The following NEDD1 variants were observed in gnomAD, a reference collection of about 807,000 sequenced individuals.
NEDD1 encodes the protein protein NEDD1.
A neutral mutation model predicts 74.0 loss-of-function variants in NEDD1; 33 were observed. That is an observed-to-expected ratio of 0.45 (90% CI 0.34 to 0.60). NEDD1 has a LOEUF of 0.60. NEDD1 is among the 20% of genes least tolerant of loss of function. The probability of loss-of-function intolerance (pLI) is 0.01; values close to 1 mark genes in which losing one functional copy is unlikely to be tolerated. For missense variants in NEDD1, 746 were observed against 776.5 expected (o/e 0.96, Z 0.47); for synonymous variants, 250 against 264.4 (o/e 0.95, Z 0.53).
At position 96,952,808 on chromosome 12, in the gene NEDD1, C is replaced by T. The variant is rs1878826618; in HGVS notation, c.*755C>T. On this transcript the variant is annotated 3_prime_UTR_variant, in exon 16 of 16. Coordinates refer to ENST00000266742, the MANE Select transcript of NEDD1 (RefSeq NM_152905.4). ...CATGCAACGTTGTACTGCAAAATTTCAATCAACATGACAACTTATAATGAG... is the reference window on the plus strand; with the variant it reads ...CATGCAACGTTGTACTGCAAAATTTTAATCAACATGACAACTTATAATGAG... 6.6e-6 allele frequency: 1 copy of T among 151,658 alleles called. No individual in the cohort carries two copies. The highest frequency in any genetic ancestry group is 2.4e-5 in the African/African-American group (1 of 41,400). The allele number at this position is 151,658 out of a possible 1,614,324, so 9.4% of individuals were successfully genotyped here.
chr12:96,920,388 A>G (rs1290102275), intron 6 of NEDD1, among the ~76,000 whole-genome samples: 2 of 152,060 alleles, frequency 1.3e-5, no homozygotes, highest in African/African-American at 4.8e-5. Flanking sequence ...AGTTGTTAAT[A>G]GGTTAAATGT....
At chr12:96,932,382 G>A (rs1317885416) in intron 6 of NEDD1, among the ~76,000 whole-genome samples, 2 of 135,600 alleles carry the variant, frequency 1.5e-5, no homozygotes, top group African/African-American at 2.8e-5. Context: ...TGAGGCAGGT[G>A]GAGTGCTTGA....
In NEDD1 at chr12:96,907,594, C is replaced by G. The variant is rs1012880673; in HGVS notation, c.-261-10C>G. ...TTTTTTGTCAACCTCAAGTACTTTT[C>G]TTTTGGCAGGTACTTGGATGCATTT... On this transcript the variant is annotated splice_polypyrimidine_tract_variant and intron_variant, in intron 1 of 15. Coordinates refer to ENST00000266742, the MANE Select transcript of NEDD1 (RefSeq NM_152905.4). 6.4e-7 allele frequency: 1 copy of G among 1,551,128 alleles called. No homozygotes were observed. Among genetic ancestry groups the G allele is most frequent in the South Asian group, 1.2e-5 (1 of 84,054 alleles).
intron 11 of NEDD1, among the ~76,000 whole-genome samples, chr12:96,942,838 T>C (rs1276133100): frequency 6.6e-6 from 1 of 152,082 alleles, no homozygotes. Context: ...CAGAGCTTCA[T>C]TCAACTTAAG....
At chr12:96,944,481 G>A (rs956710381) in intron 12 of NEDD1, among the ~76,000 whole-genome samples, 158 bp from the exon 13 acceptor site, 5 of 150,926 alleles carry the variant, frequency 3.3e-5, no homozygotes, top group African/African-American at 1.2e-4. Context: ...TTTGCCTCCA[G>A]TTCTCTTTTT....
intron 9 of NEDD1, among the ~76,000 whole-genome samples, chr12:96,939,379 C>T (rs1303983774): frequency 6.6e-6 from 1 of 151,998 alleles, no homozygotes; most frequent in African/African-American, 2.4e-5. Context: ...TTCTTTGTAA[C>T]AACTGAACTC....
intron 3 of NEDD1, chr12:96,912,476 G>A (rs1874018567): frequency 6.6e-6 from 2 of 304,308 alleles, no homozygotes; most frequent in Non-Finnish European, 6.0e-6. Context: ...AGTATTTCAC[G>A]TGGGTTAAAT....
At position 96,953,158 on chromosome 12, in the gene NEDD1, A is replaced by C. The variant is rs1253149251; in HGVS notation, c.*1105A>C. 1.3e-5 allele frequency: 2 copies of C among 151,214 alleles called. No individual in the cohort carries two copies. Among genetic ancestry groups the C allele is most frequent in the South Asian group, 4.1e-4 (2 of 4,820 alleles). The allele number at this position is 151,214 out of a possible 1,614,324, so 9.4% of individuals were successfully genotyped here. ...AAAGATTTAAACTGTGTACCTTTGT[A>C]TAGCTCTTCTGCCCCATTTTGACTT... On this transcript the variant is annotated 3_prime_UTR_variant, in exon 16 of 16. Coordinates refer to ENST00000266742, the MANE Select transcript of NEDD1 (RefSeq NM_152905.4).
intron 1 of NEDD1, 72 bp downstream of exon 1, chr12:96,907,372 C>A: frequency 2.2e-6 from 1 of 447,710 alleles, no homozygotes; most frequent in South Asian, 4.1e-5. Context: ...GATCCTAAGA[C>A]CCGCTCCGTC....
intron 10 of NEDD1, among the ~76,000 whole-genome samples, chr12:96,940,850 G>A (rs1409527114): frequency 4.6e-5 from 7 of 151,888 alleles, no homozygotes; most frequent in Admixed American, 4.6e-4. Flanking sequence ...CTAAATTAAT[G>A]TTCCTAAAAT....
chr12:96,909,059 C>G (rs1592848482), intron 2 of NEDD1, among the ~76,000 whole-genome samples: 1 of 151,776 alleles, frequency 6.6e-6, no homozygotes, highest in Non-Finnish European at 1.5e-5. Flanking sequence ...GCCGGTAATC[C>G]CAGCTACTCG....
chr12:96,907,735 G>C lies in NEDD1; in HGVS notation c.-130G>C. 1.3e-6 allele frequency: 2 copies of C among 1,546,378 alleles called. No individual in the cohort carries two copies. Among genetic ancestry groups the C allele is most frequent in the South Asian group, 1.2e-5 (1 of 83,726 alleles). Reference sequence around the variant, plus strand: ...TGTAGTTGAATTGGTTCCTGTAGCCGCTGTCCCTAAACCCAGGCCGACGTT... The same window carrying C: ...TGTAGTTGAATTGGTTCCTGTAGCCCCTGTCCCTAAACCCAGGCCGACGTT... On this transcript the variant is annotated 5_prime_UTR_variant, in exon 2 of 16. Transcript: ENST00000266742.
chr12:96,949,330 C>T (rs1057267601), intron 14 of NEDD1, among the ~76,000 whole-genome samples: 7 of 152,018 alleles, frequency 4.6e-5, no homozygotes, highest in African/African-American at 1.7e-4. Flanking sequence ...TTTAAAAATA[C>T]CCTCATAGTT....
intron 2 of NEDD1, among the ~76,000 whole-genome samples, chr12:96,909,176 C>CAAAAAA (rs71307519): frequency 9.3e-6 from 1 of 107,528 alleles, no homozygotes; most frequent in African/African-American, 3.5e-5. Context: ...AACTCCGTCT[C>CAAAAAA]AAAAAAAAAA....
At position 96,953,021 on chromosome 12, in the gene NEDD1, T is replaced by C. The variant is rs1165568019; in HGVS notation, c.*968T>C. The C allele has an allele frequency of 6.6e-6, 1 of 151,600 alleles. No homozygotes were observed. The highest frequency in any genetic ancestry group is 6.6e-5 in the Admixed American group (1 of 15,192). The allele number at this position is 151,600 out of a possible 1,614,324, so 9.4% of individuals were successfully genotyped here. On this transcript the variant is annotated 3_prime_UTR_variant, in exon 16 of 16. Coordinates refer to ENST00000266742, the MANE Select transcript of NEDD1 (RefSeq NM_152905.4). ...TTAGAAAGGTTGTCAAAATAAGTTA[T>C]ACCTCTTTGGCAATAGATAGATGTA... is the stretch of plus-strand genomic sequence containing the variant.
chr12:96,938,825 TCTCTCTCTCTCA>T (rs1443505739), intron 9 of NEDD1, among the ~76,000 whole-genome samples: 9 of 112,630 alleles, frequency 8.0e-5, no homozygotes, highest in Middle Eastern at 8.8e-3. Flanking sequence ...TCTCATTCTC[TCTCTCTCTCTCA>T]CACACACACA....
chr12:96,923,575 A>G (rs1271147457), intron 6 of NEDD1, among the ~76,000 whole-genome samples: 1 of 151,956 alleles, frequency 6.6e-6, no homozygotes, highest in Non-Finnish European at 1.5e-5. Context: ...TTTAATTTGC[A>G]TTTGTCCATG....
chr12:96,930,205 A>T (rs1258094533), intron 6 of NEDD1, among the ~76,000 whole-genome samples: 6,250 of 75,368 alleles, frequency 0.083, 170 homozygotes, highest in East Asian at 0.14. Context: ...ACACACACAC[A>T]CACACACTCT....
chr12:96,908,655 G>T (rs573972491), intron 2 of NEDD1, among the ~76,000 whole-genome samples: 11 of 152,188 alleles, frequency 7.2e-5, no homozygotes, highest in African/African-American at 2.7e-4. Context: ...CGTAGTCCAA[G>T]TATTGGTATA....
Sources: allele counts gnomAD v4.1 joint callset (sites outside exome capture counted in the v4.1 genomes callset), GRCh38; gene constraint gnomAD v4.1.1; transcripts MANE v1.5; gene names NCBI Gene and HGNC (gene_info 2026-07-23, HGNC 2026-07-21).